Variants in RAN observed in about 807,000 individuals in gnomAD.
RAN encodes the protein GTP-binding nuclear protein Ran.
A neutral mutation model predicts 26.8 loss-of-function variants in RAN; 2 were observed. That is an observed-to-expected ratio of 0.07 (90% CI 0.03 to 0.23). RAN has a LOEUF of 0.23. Ranked by LOEUF, RAN falls within the 10% of genes least tolerant of loss-of-function variation. The pLI, the probability that RAN is intolerant of heterozygous loss-of-function variation, is 1.00. For missense variants in RAN, 56 were observed against 264.8 expected (o/e 0.21, Z 5.47); for synonymous variants, 132 against 95.9 (o/e 1.38, Z -2.20).
At chr12:130,872,320 AC>A (rs1953149635) in intron 1 of RAN, 194 bp downstream of exon 1, 1 of 152,570 alleles carries the variant, frequency 6.6e-6, no homozygotes, top group Non-Finnish European at 1.4e-5. Context: ...GCCCCCGCGA[AC>A]CCCCGTTTCA....
intron 4 of RAN, chr12:130,873,408 C>T (rs1469169473): frequency 5.8e-6 from 2 of 343,122 alleles, no homozygotes; most frequent in African/African-American, 4.2e-5. Context: ...CTGTTAACAG[C>T]AGTTTCAGTA....
chr12:130,872,546 G>C (rs1485050478), intron 1 of RAN, 38 bp from the exon 2 acceptor site: 1 of 1,423,078 alleles, frequency 7.0e-7, no homozygotes, highest in Admixed American at 3.4e-5. Context: ...GGGCTGCGGG[G>C]CCGCGCGAGC....
chr12:130,872,543 G>A (rs1593218942), intron 1 of RAN, 41 bp from the exon 2 acceptor site: 1 of 1,416,022 alleles, frequency 7.1e-7, no homozygotes, highest in East Asian at 2.8e-5. Context: ...CATGGGCTGC[G>A]GGGCCGCGCG....
chr12:130,874,046 A>G (rs1420134366), intron 4 of RAN: 4 of 379,550 alleles, frequency 1.1e-5, no homozygotes, highest in Admixed American at 8.3e-5. Flanking sequence ...ATGGGGATTC[A>G]CCATGTTGCC....
intron 4 of RAN, chr12:130,873,712 G>C (rs1953184879): frequency 6.3e-6 from 1 of 159,226 alleles, no homozygotes; most frequent in African/African-American, 2.4e-5. Flanking sequence ...ACATTATCTG[G>C]AATCATTCCA....
chr12:130,876,019 T>C lies in RAN; in HGVS notation c.*93T>C, dbSNP rs1953232982. Reference sequence around the variant, plus strand: ...CAGCGTGTGTGCCACCTCATTATTATCTAGCTAAGCGGAACATGTGCTTCA... The same window carrying C: ...CAGCGTGTGTGCCACCTCATTATTACCTAGCTAAGCGGAACATGTGCTTCA... On this transcript the variant is annotated 3_prime_UTR_variant, in exon 7 of 7. Coordinates refer to ENST00000543796, the MANE Select transcript of RAN (RefSeq NM_006325.5). The C allele has an allele frequency of 1.5e-6, 2 of 1,315,410 alleles. No homozygotes were observed. Among genetic ancestry groups the C allele is most frequent in the Non-Finnish European group, 2.2e-6 (2 of 918,562 alleles). The allele number at this position is 1,315,410 out of a possible 1,614,324, so 81.5% of individuals were successfully genotyped here.
At chr12:130,873,451 TGTG>T (rs1402396727) in intron 4 of RAN, 14 of 297,884 alleles carry the variant, frequency 4.7e-5, no homozygotes, top group Admixed American at 2.0e-4. Flanking sequence ...TGTATTTTGG[TGTG>T]GTGATCAATG....
chr12:130,872,578 C>A lies in RAN; in HGVS notation c.-10-6C>A. 1.3e-6 allele frequency: 2 copies of A among 1,510,894 alleles called. No homozygotes were observed. The highest frequency in any genetic ancestry group is 8.8e-7 in the Non-Finnish European group (1 of 1,133,912). 93.6% of individuals were successfully genotyped at this position (1,510,894 alleles called of 1,614,324 possible). On this transcript the variant is annotated splice_polypyrimidine_tract_variant and splice_region_variant and intron_variant, in intron 1 of 6. Transcript: ENST00000543796. The stretch of plus-strand genomic sequence containing the variant: ...GAGCGCTCGCCTCCGTCCTCTGCCT[C>A]CGCAGGAACGCCGCGATGGCTGCGC...
rs1441381119 is a variant in RAN, at chr12:130,872,120, C to T, written c.-17C>T. On this transcript the variant is annotated 5_prime_UTR_variant, in exon 1 of 7. Transcript: ENST00000543796. ...CAGTCGGACGGGCGCGGAGACGCTT[C>T]TGGAAGGTATCGCGACCCGGCGGGC... 2.5e-5 allele frequency: 7 copies of T among 281,854 alleles called. No individual in the cohort carries two copies. The highest frequency in any genetic ancestry group is 4.6e-5 in the African/African-American group (2 of 43,228). The allele number at this position is 281,854 out of a possible 1,614,324, so 17.5% of individuals were successfully genotyped here.
chr12:130,875,088 AG>A (rs1565955502), intron 5 of RAN, among the ~76,000 whole-genome samples: 2 of 152,146 alleles, frequency 1.3e-5, no homozygotes, highest in African/African-American at 4.8e-5. Flanking sequence ...GGCCTCCTAA[AG>A]GGCTGGGATT....
At chr12:130,874,522 T>A in intron 4 of RAN, 24 bp from the exon 5 acceptor site, 2 of 1,525,002 alleles carry the variant, frequency 1.3e-6, no homozygotes, top group Non-Finnish European at 1.8e-6. Flanking sequence ...CTGAGTGTAC[T>A]AATTCCCACA....
At chr12:130,875,451 C>T (rs1189924765) in intron 5 of RAN, among the ~76,000 whole-genome samples, 161 bp from the exon 6 acceptor site, 1 of 151,078 alleles carries the variant, frequency 6.6e-6, no homozygotes, top group Non-Finnish European at 1.5e-5. Flanking sequence ...TACTATTGGC[C>T]TCAGGCAATC....
Position 130,875,593 on chromosome 12 carries a change from T to G in RAN, c.436-19T>G. On this transcript the variant is annotated intron_variant, in intron 5 of 6. Coordinates refer to ENST00000543796, the MANE Select transcript of RAN (RefSeq NM_006325.5). Reference sequence around the variant, plus strand: ...TAATAATGAATTTTAAAAAGTAATTTTACCTTTCTTTTAAACAGTACTACG... The same window carrying G: ...TAATAATGAATTTTAAAAAGTAATTGTACCTTTCTTTTAAACAGTACTACG... The G allele has an allele frequency of 6.5e-7, 1 of 1,535,970 alleles. No individual in the cohort carries two copies. The highest frequency in any genetic ancestry group is 8.8e-7 in the Non-Finnish European group (1 of 1,141,042).
Position 130,876,090 on chromosome 12 carries a change from G to A in RAN, c.*164G>A, listed in dbSNP as rs1953234284. The A allele has an allele frequency of 2.8e-6, 2 of 716,420 alleles. No homozygotes were observed. The highest frequency in any genetic ancestry group is 3.6e-5 in the African/African-American group (2 of 55,832). The allele number at this position is 716,420 out of a possible 1,614,324, so 44.4% of individuals were successfully genotyped here. A position where few individuals can be genotyped will look rare whatever the true frequency, so the allele number is the denominator to read the frequency against. ...ATGAGTGGGCTTCGGAGTGAATGTG[G>A]CAGTTTAAAAAATAACTTCATTGTT... On this transcript the variant is annotated 3_prime_UTR_variant, in exon 7 of 7. Transcript: ENST00000543796.
chr12:130,872,612 C>A lies in RAN; in HGVS notation c.19C>A (p.Pro7Thr). ...CGCCGCGATGGCTGCGCAGGGAGAG[C>A]CCCAGGTCCAGTTCAAAGTAGGTAA... The part of the protein sequence containing the change: MAAQGE[P>T]QVQFKLVLVG... The change falls in exon 2 of 7, where the codon CCC becomes ACC. Residue 7 changes from proline to threonine, a missense_variant. This residue lies in a region of RAN where 17 missense variants were observed against 16.1 expected (regional missense o/e 1.05). Transcript: ENST00000543796. 1 of 1,527,962 alleles carries A rather than the reference C, an allele frequency of 6.5e-7. No homozygotes were observed. Among genetic ancestry groups the A allele is most frequent in the Admixed American group, 2.4e-5 (1 of 42,410 alleles). The allele number at this position is 1,527,962 out of a possible 1,614,324, so 94.7% of individuals were successfully genotyped here.
Position 130,876,779 on chromosome 12 carries a change from G to T in RAN, c.*853G>T, listed in dbSNP as rs1454466412. ...ATAATTACAAATTTTGCACTTTTTT[G>T]TTTGAATGTTAGATGCTTAGTGTGA... is the stretch of plus-strand genomic sequence containing the variant. On this transcript the variant is annotated 3_prime_UTR_variant, in exon 7 of 7. Transcript: ENST00000543796. 1 of 152,190 alleles carries T rather than the reference G, an allele frequency of 6.6e-6. No individual in the cohort carries two copies. Among genetic ancestry groups the T allele is most frequent in the Non-Finnish European group, 1.5e-5 (1 of 68,024 alleles). 9.4% of individuals were successfully genotyped at this position (152,190 alleles called of 1,614,324 possible). A position where few individuals can be genotyped will look rare whatever the true frequency, so the allele number is the denominator to read the frequency against.
intron 5 of RAN, among the ~76,000 whole-genome samples, chr12:130,875,112 C>T (rs1953214743): frequency 6.6e-6 from 1 of 152,210 alleles, no homozygotes; most frequent in African/African-American, 2.4e-5. Context: ...AGGCATGAGC[C>T]ACTGTGCCCG....
intron 2 of RAN, 26 bp downstream of exon 2, chr12:130,872,655 C>A: frequency 1.3e-6 from 2 of 1,518,094 alleles, no homozygotes; most frequent in South Asian, 2.6e-5. Flanking sequence ...GGGCGGGAGG[C>A]GGCCGAGCCC....
At position 130,875,891 on chromosome 12, in the gene RAN, A is replaced by G; in HGVS notation, c.616A>G (p.Thr206Ala). 6.2e-7 allele frequency: 1 copy of G among 1,614,192 alleles called. No individual in the cohort carries two copies. The highest frequency in any genetic ancestry group is 8.5e-7 in the Non-Finnish European group (1 of 1,180,030). The change falls in exon 7 of 7, where the codon ACA becomes GCA. Residue 206 changes from threonine to alanine, a missense_variant. Physicochemically the swap from Thr to Ala is moderately conservative, Grantham distance 58. Around this residue, in one of 2 missense-constraint regions of RAN, gnomAD observed 39 missense variants for 248.7 expected, o/e 0.16. Transcript: ENST00000543796. ...QYEHDLEVAQ[T>A]TALPDEDDDL is the part of the protein sequence containing the mutation. ...CCATCTCTTCGTCTAGGTTGCTCAG[A>G]CAACTGCTCTCCCGGATGAGGATGA...
Sources: allele counts gnomAD v4.1 joint callset (sites outside exome capture counted in the v4.1 genomes callset), GRCh38; gene constraint gnomAD v4.1.1; regional missense constraint gnomAD v4.1.1; transcripts MANE v1.5; gene names NCBI Gene and HGNC (gene_info 2026-07-23, HGNC 2026-07-21).